The following DPH1 variants were observed in gnomAD, a reference collection of about 807,000 sequenced individuals.
DPH1 encodes diphthamide biosynthesis 1, also known as 2-(3-amino-3-carboxypropyl)histidine synthase subunit 1.
Under a neutral mutation model 55.3 loss-of-function variants are expected in DPH1, and 59 were observed. That is an observed-to-expected ratio of 1.07 (90% CI 0.87 to 1.33). The LOEUF is 1.33. DPH1 is among the 40% of genes most tolerant of loss of function. The pLI is 0.00. For synonymous variants in DPH1, 238 were observed against 235.5 expected (o/e 1.01, Z -0.10); for missense variants, 628 against 584.8 (o/e 1.07, Z -0.76).
rs113486508 is a variant in DPH1 at position 2,042,523 on chromosome 17, A to G, written c.*19-82A>G. 1,276 of 1,454,812 alleles carry G rather than the reference A, an allele frequency of 8.8e-4. 17 individuals are homozygous for G. In the African/African-American group the frequency reaches 0.017, roughly 19 times the overall value. The allele number at this position is 1,454,812 out of a possible 1,614,324, so 90.1% of individuals were successfully genotyped here. On this transcript the variant is annotated intron_variant, in intron 12 of 12. Coordinates refer to ENST00000263083, the MANE Select transcript of DPH1 (RefSeq NM_001383.6). ...TTCCCTTTTTCTCTCTGTCATCTCG[A>G]ACCCTCCTGCCCTTTCTCATTTCTT...
chr17:2,042,917 C>G lies in DPH1; in HGVS notation c.*331C>G, dbSNP rs1291202807. On this transcript the variant is annotated 3_prime_UTR_variant, in exon 13 of 13. Transcript: ENST00000263083. ...TTCAAGGAATCCATCCTGCAAAGGC[C>G]CTTGTCATTGCCTTCGCTCCATGTT... 6.2e-7 allele frequency: 1 copy of G among 1,614,036 alleles called. No homozygotes were observed. The highest frequency in any genetic ancestry group is 1.3e-5 in the African/African-American group (1 of 74,914).
At position 2,035,415 on chromosome 17, in the gene DPH1, GTGGGGGT is replaced by G. The variant is rs1305149327; in HGVS notation, c.279-554_279-548del. Among the ~76,000 whole-genome samples, 129 of 81,590 alleles carry G rather than the reference GTGGGGGT, an allele frequency of 1.6e-3. 6 individuals carry two copies. In the South Asian group the frequency reaches 0.036, roughly 23 times the overall value. 53.5% of individuals were successfully genotyped at this position (81,590 alleles called of 152,430 possible). A position where few individuals can be genotyped will look rare whatever the true frequency, so the allele number is the denominator to read the frequency against. On this transcript the variant is annotated intron_variant, in intron 3 of 12. Transcript: ENST00000263083. ...GGGCCCTGCCTGCGGTGGGGAGGTAGTGGGGGTCCGGACGAGAGGGCCCTGCCTGTGG... is the reference window on the plus strand; with the variant it reads ...GGGCCCTGCCTGCGGTGGGGAGGTAGCCGGACGAGAGGGCCCTGCCTGTGG...
At chr17:2,038,289 AAC>A (rs1452923515) in intron 6 of DPH1, among the ~76,000 whole-genome samples, 1 of 152,150 alleles carries the variant, frequency 6.6e-6, no homozygotes, top group East Asian at 1.9e-4. Flanking sequence ...CGAGTCACTC[AAC>A]CTGGGTGACA....
At position 2,043,234 on chromosome 17, in the gene DPH1, C is replaced by G; in HGVS notation, c.*648C>G. ...CCAGAACCAGTTAAGAGACAACTAT[C>G]AATTCTTGAGACCCAAATTATAAGG... On this transcript the variant is annotated 3_prime_UTR_variant, in exon 13 of 13. Transcript: ENST00000263083. 1 of 1,184,794 alleles carries G rather than the reference C, an allele frequency of 8.4e-7. No homozygotes were observed. Among genetic ancestry groups the G allele is most frequent in the Non-Finnish European group, 1.2e-6 (1 of 850,180 alleles). The allele number at this position is 1,184,794 out of a possible 1,614,324, so 73.4% of individuals were successfully genotyped here.
Position 2,033,810 on chromosome 17 carries a change from C to T in DPH1, c.246C>T (p.Leu82=), listed in dbSNP as rs541586317. 1 of 1,614,228 alleles carries T rather than the reference C, an allele frequency of 6.2e-7. No homozygotes were observed. Among genetic ancestry groups the T allele is most frequent in the East Asian group, 2.2e-5 (1 of 44,888 alleles). Reference sequence around the variant, plus strand: ...TGCAAATGCCGGAAGGCCTCCTCCTCTTTGCCTGTACCATTGTGGATATCT... The same window carrying T: ...TGCAAATGCCGGAAGGCCTCCTCCTTTTTGCCTGTACCATTGTGGATATCT... ...VALQMPEGLL[L]FACTIVDILE... The change falls in exon 3 of 13, where the codon CTC becomes CTT. Residue 82 remains leucine, a synonymous_variant. Coordinates refer to ENST00000263083, the MANE Select transcript of DPH1 (RefSeq NM_001383.6).
intron 9 of DPH1, 37 bp from the exon 10 acceptor site, chr17:2,041,066 G>A: frequency 6.4e-7 from 1 of 1,572,156 alleles, no homozygotes. Context: ...GCGACGAGGA[G>A]GCCCTTCCTA....
chr17:2,042,307 C>T, intron 12 of DPH1: 1 of 1,392,580 alleles, frequency 7.2e-7, no homozygotes, highest in Non-Finnish European at 9.3e-7. Context: ...CCTTCAGCAT[C>T]CCCCACCCTG....
Position 2,036,275 on chromosome 17 carries a change from G to A in DPH1, c.400+184G>A. Reference sequence around the variant, plus strand: ...CTTTCCTTTGGATTTGGTTGCCTTGGCAACGGTGCTCTGTCCCAGATGCAG... The same window carrying A: ...CTTTCCTTTGGATTTGGTTGCCTTGACAACGGTGCTCTGTCCCAGATGCAG... On this transcript the variant is annotated intron_variant, in intron 4 of 12. Transcript: ENST00000263083. The surrounding 1 kb of genome is among the most constrained non-coding windows in gnomAD (Gnocchi z 4.8). 1 of 1,225,200 alleles carries A rather than the reference G, an allele frequency of 8.2e-7. No homozygotes were observed. The allele number at this position is 1,225,200 out of a possible 1,614,324, so 75.9% of individuals were successfully genotyped here. A position where few individuals can be genotyped will look rare whatever the true frequency, so the allele number is the denominator to read the frequency against.
intron 6 of DPH1, 149 bp from the exon 7 acceptor site, chr17:2,039,606 T>G: frequency 1.2e-6 from 1 of 834,596 alleles, no homozygotes; most frequent in Non-Finnish European, 2.0e-6. Flanking sequence ...CTCGATCTCC[T>G]GACCTCATGA....
rs773453810 is a variant in DPH1, at chr17:2,036,585, C to T, written c.457C>T (p.Arg153Trp). The change falls in exon 5 of 13, where the codon CGG becomes TGG. Residue 153 changes from arginine (R) to tryptophan (W), a missense_variant. Physicochemically the swap from Arg to Trp is moderately radical, Grantham distance 101 (BLOSUM62 -3). Coordinates refer to ENST00000263083, the MANE Select transcript of DPH1 (RefSeq NM_001383.6). This position sits in a 1 kb window ranked among gnomAD's most constrained non-coding sequence, Gnocchi z 4.8. ...GGTGCTGTACGTCTTTGTGGACATC[C>T]GGATAGACACTACACACCTCCTGGA... is the stretch of plus-strand genomic sequence containing the variant. Reference protein sequence around the residue: ...FRVLYVFVDIRIDTTHLLDSL... With the variant: ...FRVLYVFVDIWIDTTHLLDSL... 7 of 1,614,088 alleles carry T rather than the reference C, an allele frequency of 4.3e-6. No individual in the cohort carries two copies. Among genetic ancestry groups the T allele is most frequent in the Admixed American group, 1.7e-5 (1 of 60,004 alleles).
chr17:2,033,381 C>G, intron 1 of DPH1, 124 bp from the exon 2 acceptor site: 1 of 1,484,444 alleles, frequency 6.7e-7, no homozygotes, highest in East Asian at 2.3e-5. Context: ...CTTGAGATGA[C>G]TCAAAATTTT....
chr17:2,040,921 G>C, intron 9 of DPH1, 182 bp from the exon 10 acceptor site: 1 of 689,358 alleles, frequency 1.5e-6, no homozygotes, highest in Non-Finnish European at 2.5e-6. Flanking sequence ...TGTCGGCAGA[G>C]GAAACAGGAG....
chr17:2,042,446 A>T, intron 12 of DPH1, 159 bp from the exon 13 acceptor site: 1 of 1,276,862 alleles, frequency 7.8e-7, no homozygotes, highest in Non-Finnish European at 1.0e-6. Flanking sequence ...TCTCCTGTTC[A>T]GGCCAATCCA....
rs566322210 is a variant in DPH1, at chr17:2,039,639, A to T, written c.681-116A>T. On this transcript the variant is annotated intron_variant, in intron 6 of 12. Transcript: ENST00000263083. ...TGATCCGCCCGCCTCGGTCTCCCAA[A>T]GTGCTGGGATTACAGGCGTGAGCCA... is the stretch of plus-strand genomic sequence containing the variant. 1.8e-5 allele frequency: 23 copies of T among 1,247,352 alleles called. No homozygotes were observed. The African/African-American group carries it at 3.1e-4, about 17-fold the overall frequency. 77.3% of individuals were successfully genotyped at this position (1,247,352 alleles called of 1,614,324 possible).
chr17:2,041,159 A>G lies in DPH1; in HGVS notation c.1064A>G (p.Lys355Arg), dbSNP rs2067514722. The G allele has an allele frequency of 6.2e-7, 1 of 1,606,150 alleles. No individual in the cohort carries two copies. The highest frequency in any genetic ancestry group is 1.3e-5 in the African/African-American group (1 of 74,844). ...LSIDWGTAFP[K>R]PLLTPYEAAV... The stretch of plus-strand genomic sequence containing the variant: ...ATTGACTGGGGCACAGCCTTCCCCA[A>G]GCCGCTGCTGACACCCTATGAGGTA... Residue 355 changes from lysine to arginine, a missense_variant, in exon 10 of 13, where the codon AAG becomes AGG. Coordinates refer to ENST00000263083, the MANE Select transcript of DPH1 (RefSeq NM_001383.6).
chr17:2,040,938 C>G, intron 9 of DPH1, 165 bp from the exon 10 acceptor site: 3 of 724,912 alleles, frequency 4.1e-6, no homozygotes, highest in Non-Finnish European at 6.9e-6. Context: ...GGAGAAAACA[C>G]GCAACAATAC....
At position 2,038,042 on chromosome 17, in the gene DPH1, G is replaced by A. The variant is rs367702767; in HGVS notation, c.680+1086G>A. On this transcript the variant is annotated intron_variant, in intron 6 of 12. Transcript: ENST00000263083. ...CAGTAGCTGTTGGCCGGGCACAGTG[G>A]CTCACGCCTGTAATCTCAACACTTT... Among the ~76,000 whole-genome samples the A allele has an allele frequency of 8.6e-5, 13 of 151,734 alleles. No homozygotes were observed. The South Asian group carries it at 1.2e-3, about 15-fold the overall frequency.
chr17:2,039,390 C>G (rs866795758), intron 6 of DPH1: 1 of 114,390 alleles, frequency 8.7e-6, no homozygotes, highest in Non-Finnish European at 1.8e-5. Flanking sequence ...TTTTTTTTTT[C>G]TTTTTGAGAC....
Position 2,042,843 on chromosome 17 carries a change from G to A in DPH1, c.*257G>A. On this transcript the variant is annotated 3_prime_UTR_variant, in exon 13 of 13. Transcript: ENST00000263083. Reference sequence around the variant, plus strand: ...AGGCAGGCGATCCCCGCTTCCCCTTGCCACGGTTTATCCTCTTGGTGTCTG... The same window carrying A: ...AGGCAGGCGATCCCCGCTTCCCCTTACCACGGTTTATCCTCTTGGTGTCTG... 1 of 1,614,150 alleles carries A rather than the reference G, an allele frequency of 6.2e-7. No homozygotes were observed. Among genetic ancestry groups the A allele is most frequent in the Non-Finnish European group, 8.5e-7 (1 of 1,180,036 alleles).
Sources: gnomAD v4.1 joint callset for allele counts (sites outside exome capture counted in the v4.1 genomes callset) on GRCh38, gnomAD v4.1.1 for gene constraint, Gnocchi (gnomAD v3.1) non-coding constraint, MANE v1.5 for transcripts, NCBI Gene and HGNC (gene_info 2026-07-23, HGNC 2026-07-21) for gene names.